MACROD2: variants seen among roughly 807,000 people sequenced by gnomAD.
MACROD2 encodes ADP-ribose glycohydrolase MACROD2.
MACROD2 carries 36 observed loss-of-function variants against 70.4 expected under a neutral mutation model. The observed-to-expected ratio is 0.51, with a 90% confidence interval of 0.39 to 0.68. The LOEUF (loss-of-function observed/expected upper bound fraction) is 0.68. MACROD2 is among the 30% of genes least tolerant of loss of function. The pLI, the probability that MACROD2 is intolerant of heterozygous loss-of-function variation, is 0.00. For missense variants in MACROD2, 496 were observed against 538.4 expected, an observed-to-expected ratio of 0.92 and a Z score of 0.78; for synonymous variants, 172 against 178.8, an observed-to-expected ratio of 0.96 and a Z score of 0.30.
At chr20:15,601,110 G>A (rs1193309673) in intron 8 of MACROD2, among the ~76,000 whole-genome samples, 4 of 152,164 alleles carry the variant, frequency 2.6e-5, no homozygotes, top group Non-Finnish European at 5.9e-5. Context: ...AACACAGGAA[G>A]GTAACTCAAT....
At chr20:15,194,434 T>A (rs1044111038) in intron 5 of MACROD2, among the ~76,000 whole-genome samples, 9 of 152,208 alleles carry the variant, frequency 5.9e-5, no homozygotes, top group African/African-American at 1.9e-4. Flanking sequence ...GTAGCATTAT[T>A]TTTAATCTTC....
At chr20:15,038,880 A>G (rs1258469747) in intron 5 of MACROD2, among the ~76,000 whole-genome samples, 3 of 152,198 alleles carry the variant, frequency 2.0e-5, no homozygotes, top group African/African-American at 4.8e-5. Flanking sequence ...ATTATAATAT[A>G]TGTGTGATTT....
At chr20:15,800,743 G>GA (rs1271082893) in intron 8 of MACROD2, among the ~76,000 whole-genome samples, 1 of 152,122 alleles carries the variant, frequency 6.6e-6, no homozygotes, top group Non-Finnish European at 1.5e-5. Flanking sequence ...TTGTGGAATA[G>GA]AAAGGGGGGA....
chr20:14,643,534 C>G (rs1055978430), intron 4 of MACROD2, among the ~76,000 whole-genome samples: 3 of 152,060 alleles, frequency 2.0e-5, no homozygotes, highest in African/African-American at 4.8e-5. Flanking sequence ...TTGATGAGCT[C>G]TAGGAGCATT....
intron 4 of MACROD2, among the ~76,000 whole-genome samples, chr20:14,674,455 A>T (rs776856976): frequency 1.3e-5 from 2 of 152,188 alleles, no homozygotes; most frequent in African/African-American, 2.4e-5. Flanking sequence ...ACATTATTCA[A>T]AGTGCTTGTC....
At chr20:15,202,564 T>A (rs1314839114) in intron 5 of MACROD2, among the ~76,000 whole-genome samples, 2 of 152,172 alleles carry the variant, frequency 1.3e-5, no homozygotes, top group African/African-American at 4.8e-5. Context: ...ATCTATTTTT[T>A]AAAATGATTT....
intron 2 of MACROD2, among the ~76,000 whole-genome samples, chr20:14,056,722 CTTTTTTGGTG>C (rs1569138123): frequency 2.0e-5 from 3 of 151,794 alleles, no homozygotes; most frequent in Non-Finnish European, 4.4e-5. Flanking sequence ...GAATTAAAAT[CTTTTTTGGTG>C]ATACATATAA....
intron 3 of MACROD2, chr20:14,324,763 GT>G (rs2082707545): frequency 6.6e-6 from 1 of 152,084 alleles, no homozygotes; most frequent in Non-Finnish European, 1.5e-5. Flanking sequence ...ACAAGTCTAA[GT>G]TTCCATGTTT....
At chr20:14,956,863 G>T (rs1181533959) in intron 5 of MACROD2, among the ~76,000 whole-genome samples, 1 of 152,138 alleles carries the variant, frequency 6.6e-6, no homozygotes, top group Non-Finnish European at 1.5e-5. Context: ...TAAATCAGCA[G>T]TGAAATTAGG....
At chr20:15,232,613 A>C (rs2076968694) in intron 6 of MACROD2, among the ~76,000 whole-genome samples, 1 of 152,094 alleles carries the variant, frequency 6.6e-6, no homozygotes, top group African/African-American at 2.4e-5. Flanking sequence ...AGTATTTGAC[A>C]ATGTTACTTC....
chr20:14,369,317 T>C (rs1478995912), intron 3 of MACROD2, among the ~76,000 whole-genome samples: 1 of 152,208 alleles, frequency 6.6e-6, no homozygotes, highest in Non-Finnish European at 1.5e-5. Context: ...AAGATTGTCT[T>C]TGCTTCCTCC....
intron 6 of MACROD2, among the ~76,000 whole-genome samples, chr20:15,369,053 C>A (rs1269206591): frequency 2.0e-5 from 3 of 151,934 alleles, no homozygotes; most frequent in African/African-American, 7.3e-5. Flanking sequence ...ATAATGGTTC[C>A]TGATAGGAGA....
At chr20:16,037,081 C>T (rs2067246321) in intron 15 of MACROD2, among the ~76,000 whole-genome samples, 1 of 151,958 alleles carries the variant, frequency 6.6e-6, no homozygotes, top group Non-Finnish European at 1.5e-5. Flanking sequence ...CATTGAATCT[C>T]ATACTAATCT....
chr20:15,755,366 GA>G (rs1407092886), intron 8 of MACROD2, among the ~76,000 whole-genome samples: 1 of 152,184 alleles, frequency 6.6e-6, no homozygotes, highest in Non-Finnish European at 1.5e-5. Context: ...AATGTAAGAA[GA>G]AGTTTAAATA....
At chr20:14,947,784 T>G (rs190116086) in intron 5 of MACROD2, among the ~76,000 whole-genome samples, 12 of 152,200 alleles carry the variant, frequency 7.9e-5, no homozygotes, top group Admixed American at 3.3e-4. Flanking sequence ...TTGGGGCAGG[T>G]GAGGACTGCA....
intron 6 of MACROD2, among the ~76,000 whole-genome samples, chr20:15,248,580 G>A (rs967177391): frequency 6.6e-6 from 1 of 152,018 alleles, no homozygotes; most frequent in Admixed American, 6.6e-5. Flanking sequence ...ATCATGGCTC[G>A]GCTAAGACCT....
At chr20:15,537,121 G>A (rs941430895) in intron 8 of MACROD2, among the ~76,000 whole-genome samples, 3 of 152,014 alleles carry the variant, frequency 2.0e-5, no homozygotes, top group African/African-American at 7.3e-5. Context: ...TGAATCCTGG[G>A]GGTGGTTTCC....
intron 5 of MACROD2, among the ~76,000 whole-genome samples, chr20:15,155,131 C>CA (rs5840656): frequency 0.59 from 89,643 of 151,996 alleles, 26,570 homozygotes; most frequent in East Asian, 0.65. Flanking sequence ...ATTAAGAACT[C>CA]AAAATGGTAA....
At chr20:15,370,630 C>G (rs2045479005) in intron 6 of MACROD2, among the ~76,000 whole-genome samples, 1 of 151,940 alleles carries the variant, frequency 6.6e-6, no homozygotes, top group Admixed American at 6.6e-5. Flanking sequence ...ATGGCAAATT[C>G]ACAGATATTC....
Sources: gnomAD v4.1 joint callset for allele counts (sites outside exome capture counted in the v4.1 genomes callset) on GRCh38, gnomAD v4.1.1 for gene constraint, MANE v1.5 for transcripts, NCBI Gene and HGNC (gene_info 2026-07-23, HGNC 2026-07-21) for gene names.